Variants in DNAJC5B observed in about 807,000 individuals in gnomAD.
DNAJC5B encodes the protein DnaJ heat shock protein family (Hsp40) member C5 beta.
DNAJC5B carries 23 observed loss-of-function variants against 24.7 expected under a neutral mutation model. The ratio of observed to expected loss-of-function variants is 0.93; its 90% CI spans 0.67 to 1.32. The LOEUF (loss-of-function observed/expected upper bound fraction) is 1.32, where lower values mean the gene tolerates loss of function less well. Ranked by LOEUF, DNAJC5B falls within the 40% of genes most tolerant of loss-of-function variation. DNAJC5B has a pLI of 0.00. For missense variants in DNAJC5B, 238 were observed against 240.8 expected, an observed-to-expected ratio of 0.99 and a Z score of 0.08; for synonymous variants, 101 against 90.1, an observed-to-expected ratio of 1.12 and a Z score of -0.68.
intron 5 of DNAJC5B, among the ~76,000 whole-genome samples, chr8:66,089,933 A>G (rs898497899): frequency 6.6e-6 from 1 of 152,312 alleles, no homozygotes; most frequent in Middle Eastern, 3.4e-3. Context: ...ATCAATCAAG[A>G]TCAAATGGAA....
In DNAJC5B at chr8:66,078,054, C is replaced by T. The variant is rs181424004; in HGVS notation, c.333+1181C>T. Among the ~76,000 whole-genome samples, 8 of 151,920 alleles carry T rather than the reference C, an allele frequency of 5.3e-5. No homozygotes were observed. The East Asian group carries it at 1.2e-3, about 22-fold the overall frequency. On this transcript the variant is annotated intron_variant, in intron 4 of 5. Coordinates refer to ENST00000276570, the MANE Select transcript of DNAJC5B (RefSeq NM_033105.6). ...TTTGCGTGGGAACCCAACCTCTGGG[C>T]GTGACACTCTTTCCATGGGAAGATA...
rs184056341 is a variant in DNAJC5B, at chr8:66,074,633, C to G, written c.120-2027C>G. On this transcript the variant is annotated intron_variant, in intron 3 of 5. Coordinates refer to ENST00000276570, the MANE Select transcript of DNAJC5B (RefSeq NM_033105.6). ...ATCAATGTAGAAATGACAACAAATG[C>G]CTTTAACAATGGATAGGTGCCTATT... is the stretch of plus-strand genomic sequence containing the variant. 1.5e-3 allele frequency among the ~76,000 whole-genome samples: 225 copies of G among 152,256 alleles called. 1 individual carries two copies. In the Middle Eastern group the frequency reaches 0.017, roughly 12 times the overall value.
At chr8:66,091,628 C>T (rs78066081) in intron 5 of DNAJC5B, among the ~76,000 whole-genome samples, 1 of 151,890 alleles carries the variant, frequency 6.6e-6, no homozygotes, top group Non-Finnish European at 1.5e-5. Context: ...TCAAAGAAAC[C>T]CAAACTGAGA....
At chr8:66,060,129 G>A (rs1179578406) in intron 3 of DNAJC5B, among the ~76,000 whole-genome samples, 3 of 152,148 alleles carry the variant, frequency 2.0e-5, no homozygotes, top group Admixed American at 6.5e-5. Context: ...TTTCCTTGTA[G>A]CTCTGTTTTT....
chr8:66,032,255 G>A (rs1313754832), intron 1 of DNAJC5B, among the ~76,000 whole-genome samples: 3 of 152,356 alleles, frequency 2.0e-5, no homozygotes, highest in East Asian at 3.9e-4. Context: ...CCTTAGGATG[G>A]AGAAGAGCTG....
At chr8:66,019,135 A>G (rs899496669), upstream of DNAJC5B, among the ~76,000 whole-genome samples, 4 of 152,170 alleles carry the variant, frequency 2.6e-5, no homozygotes, top group African/African-American at 9.7e-5. Flanking sequence ...CCAAGACAAA[A>G]CACAAGGAGA....
At chr8:66,065,527 A>G (rs540685831) in intron 3 of DNAJC5B, among the ~76,000 whole-genome samples, 1 of 152,324 alleles carries the variant, frequency 6.6e-6, no homozygotes, top group East Asian at 1.9e-4. Flanking sequence ...ATCCTGGCCC[A>G]GTGGCTCCTG....
chr8:66,047,489 A>T (rs535387040), intron 2 of DNAJC5B, among the ~76,000 whole-genome samples: 1 of 152,140 alleles, frequency 6.6e-6, no homozygotes, highest in Non-Finnish European at 1.5e-5. Context: ...GCATGCACTG[A>T]TCTCCCATTT....
intron 5 of DNAJC5B, among the ~76,000 whole-genome samples, chr8:66,088,564 A>G (rs1287010188): frequency 6.6e-6 from 1 of 152,146 alleles, no homozygotes; most frequent in African/African-American, 2.4e-5. Context: ...TTTTAAACAT[A>G]AATTCCAATT....
chr8:66,074,100 A>G (rs1227390775), intron 3 of DNAJC5B, among the ~76,000 whole-genome samples: 2 of 152,244 alleles, frequency 1.3e-5, no homozygotes, highest in Admixed American at 1.3e-4. Flanking sequence ...TTTAAAAACC[A>G]AAGTAAAAAT....
chr8:66,091,240 T>C (rs774733118), intron 5 of DNAJC5B, among the ~76,000 whole-genome samples: 1 of 152,132 alleles, frequency 6.6e-6, no homozygotes, highest in Non-Finnish European at 1.5e-5. Flanking sequence ...ATTAAGTAAA[T>C]AATCACATGA....
At chr8:66,035,971 T>C (rs1207684909) in intron 1 of DNAJC5B, among the ~76,000 whole-genome samples, 1 of 152,212 alleles carries the variant, frequency 6.6e-6, no homozygotes, top group Non-Finnish European at 1.5e-5. Context: ...TCATGCTTCA[T>C]GCTTTCCCTT....
chr8:66,023,734 T>C (rs1310334776), intron 1 of DNAJC5B, among the ~76,000 whole-genome samples: 2 of 152,214 alleles, frequency 1.3e-5, no homozygotes, highest in Non-Finnish European at 2.9e-5. Flanking sequence ...ACTTACCTAA[T>C]ATATCTTCTA....
intron 2 of DNAJC5B, among the ~76,000 whole-genome samples, chr8:66,051,123 T>G (rs1806835681): frequency 1.3e-5 from 2 of 152,224 alleles, no homozygotes; most frequent in South Asian, 4.1e-4. Context: ...AGCCACTGCT[T>G]GTCCCATATC....
intron 5 of DNAJC5B, among the ~76,000 whole-genome samples, chr8:66,093,628 T>A (rs557953623): frequency 6.6e-6 from 1 of 152,348 alleles, no homozygotes; most frequent in East Asian, 1.9e-4. Context: ...GTATTGATTC[T>A]TCATTGATTA....
chr8:66,051,464 G>C, intron 2 of DNAJC5B, 67 bp from the exon 3 acceptor site: 1 of 877,184 alleles, frequency 1.1e-6, no homozygotes, highest in Non-Finnish European at 1.8e-6. Context: ...TCAAAAATGA[G>C]CTGTCTTCCC....
At position 66,069,165 on chromosome 8, in the gene DNAJC5B, A is replaced by C. The variant is rs540162604; in HGVS notation, c.120-7495A>C. ...AGGCAAGAAAGGAAAGGGAAAAGAA[A>C]TATGAGTATATTTTAGAAGGGACAA... is the stretch of plus-strand genomic sequence containing the variant. On this transcript the variant is annotated intron_variant, in intron 3 of 5. Transcript: ENST00000276570. 9.2e-5 allele frequency among the ~76,000 whole-genome samples: 14 copies of C among 152,230 alleles called. No individual in the cohort carries two copies. In the South Asian group the frequency reaches 2.9e-3, roughly 32 times the overall value.
chr8:66,027,056 G>T (rs1339810566), intron 1 of DNAJC5B, among the ~76,000 whole-genome samples: 2 of 152,138 alleles, frequency 1.3e-5, no homozygotes, highest in African/African-American at 4.8e-5. Flanking sequence ...CTCCTTTCAA[G>T]CCACTCCTCG....
At chr8:66,033,025 C>T (rs1351153497) in intron 1 of DNAJC5B, among the ~76,000 whole-genome samples, 6 of 152,208 alleles carry the variant, frequency 3.9e-5, no homozygotes, top group African/African-American at 1.4e-4. Flanking sequence ...GAGGAGGAAT[C>T]GGAGACTCAG....
Sources: allele counts gnomAD v4.1 joint callset (sites outside exome capture counted in the v4.1 genomes callset), GRCh38; gene constraint gnomAD v4.1.1; transcripts MANE v1.5; gene names NCBI Gene and HGNC (gene_info 2026-07-23, HGNC 2026-07-21).